Variants in CFAP43 observed in about 807,000 individuals in gnomAD.
CFAP43 encodes cilia- and flagella-associated protein 43.
Under a neutral mutation model 218.9 loss-of-function variants are expected in CFAP43, and 155 were observed. The ratio of observed to expected loss-of-function variants is 0.71; its 90% CI spans 0.62 to 0.81. The LOEUF (loss-of-function observed/expected upper bound fraction) is 0.81. CFAP43 is among the 30% of genes least tolerant of loss of function. CFAP43 has a pLI of 0.00. For missense variants in CFAP43, 1,778 were observed against 1,954.3 expected, an observed-to-expected ratio of 0.91 and a Z score of 1.70; for synonymous variants, 645 against 681.3, an observed-to-expected ratio of 0.95 and a Z score of 0.83.
chr10:104,165,890 T>A (rs1436392347), intron 23 of CFAP43, among the ~76,000 whole-genome samples: 1 of 152,208 alleles, frequency 6.6e-6, no homozygotes, highest in Admixed American at 6.5e-5. Flanking sequence ...TTTTCTTTTC[T>A]CTTTGAGCTT....
intron 2 of CFAP43, among the ~76,000 whole-genome samples, chr10:104,226,616 G>A (rs1454702356): frequency 6.6e-6 from 1 of 151,748 alleles, no homozygotes; most frequent in Non-Finnish European, 1.5e-5. Flanking sequence ...ACCAAACTTG[G>A]TAAATTTCTT....
intron 34 of CFAP43, among the ~76,000 whole-genome samples, chr10:104,139,047 A>G (rs575413214): frequency 6.6e-6 from 1 of 152,192 alleles, no homozygotes; most frequent in South Asian, 2.1e-4. Context: ...CTGTCTGTCT[A>G]TCTATCTATC....
In CFAP43 at chr10:104,167,603, G is replaced by A. The variant is rs1158910090; in HGVS notation, c.2808+18C>T. 6.4e-7 allele frequency: 1 copy of A among 1,563,884 alleles called. No individual in the cohort carries two copies. The highest frequency in any genetic ancestry group is 1.7e-4 in the Middle Eastern group (1 of 5,872). On this transcript the variant is annotated intron_variant, in intron 22 of 37. Transcript: ENST00000357060. ...AAGCACATCACTTATATAAACACAT[G>A]TATATTTAAAATAGTACTTTAAGAC...
chr10:104,225,597 A>T (rs1359880565), intron 2 of CFAP43, 40 bp from the exon 3 acceptor site: 13 of 1,531,692 alleles, frequency 8.5e-6, no homozygotes, highest in African/African-American at 1.4e-5. Context: ...GATTATGTTA[A>T]GACCATGTTC....
In CFAP43 at chr10:104,140,996, T is replaced by G; in HGVS notation, c.4277A>C (p.Gln1426Pro). The change falls in exon 34 of 38, where the codon CAG (glutamine) becomes CCG (proline). Residue 1426 changes from glutamine to proline, a missense_variant. Transcript: ENST00000357060. ...ERVFHELILLQEEKVRFQLNL... is the reference protein window; with the variant it reads ...ERVFHELILLPEEKVRFQLNL... ...CAACTGGAATCTCACTTTCTCTTCC[T>G]GTAATCTGAATTGAAAAGTACTTCA... 6.2e-7 allele frequency: 1 copy of G among 1,609,050 alleles called. No individual in the cohort carries two copies. The highest frequency in any genetic ancestry group is 1.1e-5 in the South Asian group (1 of 89,942).
chr10:104,179,786 A>G (rs1319695345), intron 18 of CFAP43, 54 bp downstream of exon 18: 2 of 1,322,618 alleles, frequency 1.5e-6, no homozygotes, highest in African/African-American at 1.5e-5. Context: ...AAACTAATCT[A>G]TTTGGTGCAT....
chr10:104,191,963 T>C (rs2090238657), intron 12 of CFAP43, among the ~76,000 whole-genome samples: 1 of 152,128 alleles, frequency 6.6e-6, no homozygotes, highest in South Asian at 2.1e-4. Context: ...TAATAATTGA[T>C]TCAAGAAAAT....
rs2087295126 is a variant in CFAP43 at position 104,133,530 on chromosome 10, TCA to T, written c.4596+88_4596+89del. 30 of 1,347,616 alleles carry T rather than the reference TCA, an allele frequency of 2.2e-5. No individual in the cohort carries two copies. In the South Asian group the frequency reaches 4.3e-4, roughly 19 times the overall value. The allele number at this position is 1,347,616 out of a possible 1,614,324, so 83.5% of individuals were successfully genotyped here. The stretch of plus-strand genomic sequence containing the variant: ...CTCCTGGCTTAGAATATGCTTGATA[TCA>T]CAGAGGCTTCTTATTAAATACTGGT... On this transcript the variant is annotated intron_variant, in intron 35 of 37. Transcript: ENST00000357060.
intron 20 of CFAP43, among the ~76,000 whole-genome samples, chr10:104,170,579 G>T (rs1490436572): frequency 6.6e-6 from 1 of 152,126 alleles, no homozygotes; most frequent in African/African-American, 2.4e-5. Flanking sequence ...CCAAACCAGA[G>T]CCAAGGAGGA....
intron 2 of CFAP43, among the ~76,000 whole-genome samples, chr10:104,228,205 T>C (rs1564821787): frequency 6.6e-6 from 1 of 152,212 alleles, no homozygotes; most frequent in Non-Finnish European, 1.5e-5. Context: ...TCATCTGATA[T>C]AGACCATGAG....
chr10:104,167,682 T>C lies in CFAP43; in HGVS notation c.2747A>G (p.Glu916Gly). 1 of 1,612,820 alleles carries C rather than the reference T, an allele frequency of 6.2e-7. No individual in the cohort carries two copies. Among genetic ancestry groups the C allele is most frequent in the Non-Finnish European group, 8.5e-7 (1 of 1,179,670 alleles). The change falls in exon 22 of 38, where the codon GAA becomes GGA. Residue 916 changes from glutamate to glycine, a missense_variant. Transcript: ENST00000357060. ...AACTCTTTCCAATTCTTTCAGCTCT[T>C]CAACCGTGCGCGCTTTCATCGGGAA... ...ENFPMKARTV[E>G]ELKELERVLQ...
In CFAP43 at chr10:104,166,640, C is replaced by T. The variant is rs752577989; in HGVS notation, c.2887G>A (p.Glu963Lys). 5 of 1,614,028 alleles carry T rather than the reference C, an allele frequency of 3.1e-6. No homozygotes were observed. Among genetic ancestry groups the T allele is most frequent in the Admixed American group, 1.7e-5 (1 of 59,996 alleles). The change falls in exon 23 of 38, where the codon GAA becomes AAA. Residue 963 changes from glutamate (E) to lysine (K), a missense_variant. Glu to Lys is a moderately conservative substitution (Grantham distance 56). Around this residue, in one of 3 missense-constraint regions of CFAP43, gnomAD observed 1,553 missense variants for 1,685.2 expected, o/e 0.92. Transcript: ENST00000357060. ...TATTTTACTGTCTTGTCTTCCTCTT[C>T]CTCTTCTTCATCATCCTCTTCATGA... is the stretch of plus-strand genomic sequence containing the variant. ...QRHEEDDEEEEEEDKTVKYSN... is the reference protein window; with the variant it reads ...QRHEEDDEEEKEEDKTVKYSN...
chr10:104,160,138 G>A (rs2088797907), intron 27 of CFAP43, among the ~76,000 whole-genome samples: 1 of 152,192 alleles, frequency 6.6e-6, no homozygotes, highest in African/African-American at 2.4e-5. Flanking sequence ...GGACATGAGG[G>A]TGCAGGCAGT....
chr10:104,207,450 C>T (rs564913259), intron 6 of CFAP43, among the ~76,000 whole-genome samples: 122 of 152,170 alleles, frequency 8.0e-4, no homozygotes, highest in Non-Finnish European at 1.3e-3. Flanking sequence ...TCTTCTGTAT[C>T]GTGGAGATTA....
intron 26 of CFAP43, among the ~76,000 whole-genome samples, chr10:104,161,695 A>C (rs1266780950): frequency 1.3e-5 from 2 of 152,080 alleles, no homozygotes; most frequent in Admixed American, 6.5e-5. Flanking sequence ...CAGTGGTGTG[A>C]TCACAGCTCA....
At chr10:104,228,040 C>G (rs1275596753) in intron 2 of CFAP43, among the ~76,000 whole-genome samples, 3 of 151,830 alleles carry the variant, frequency 2.0e-5, no homozygotes, top group African/African-American at 7.3e-5. Flanking sequence ...GATGGGGTTT[C>G]CCCATGTTGG....
At chr10:104,146,843 C>G (rs192126382) in intron 29 of CFAP43, among the ~76,000 whole-genome samples, 41 of 152,254 alleles carry the variant, frequency 2.7e-4, no homozygotes, top group Middle Eastern at 3.4e-3. Flanking sequence ...CCATTTCCAA[C>G]CTAGGACCAT....
intron 3 of CFAP43, among the ~76,000 whole-genome samples, chr10:104,224,630 A>G (rs550158001): frequency 1.3e-5 from 2 of 151,298 alleles, no homozygotes; most frequent in East Asian, 4.0e-4. Context: ...TGGCGGGTAC[A>G]TGTAACCCCA....
chr10:104,185,169 A>G, intron 15 of CFAP43, 23 bp from the exon 16 acceptor site: 1 of 1,612,766 alleles, frequency 6.2e-7, no homozygotes, highest in Non-Finnish European at 8.5e-7. Flanking sequence ...GAAATAAACC[A>G]GAAAAATTAC....
Sources: allele counts gnomAD v4.1 joint callset (sites outside exome capture counted in the v4.1 genomes callset), GRCh38; gene constraint gnomAD v4.1.1; regional missense constraint gnomAD v4.1.1; transcripts MANE v1.5; gene names NCBI Gene and HGNC (gene_info 2026-07-23, HGNC 2026-07-21).